The following ADAMTSL3 variants were observed in gnomAD, a reference collection of about 807,000 sequenced individuals.
ADAMTSL3 encodes ADAMTS-like protein 3.
In ADAMTSL3, 128 loss-of-function variants were observed where a neutral mutation model predicts 201.7. The ratio of observed to expected loss-of-function variants is 0.63; its 90% CI spans 0.55 to 0.73. The LOEUF (loss-of-function observed/expected upper bound fraction) is 0.73. Among genes scored for constraint, ADAMTSL3 ranks in the 30% least tolerant of loss-of-function variants. ADAMTSL3 has a pLI of 0.00. For synonymous variants in ADAMTSL3, 738 were observed against 748.4 expected, an observed-to-expected ratio of 0.99 and a Z score of 0.23; for missense variants, 1,990 against 2,119.6, an observed-to-expected ratio of 0.94 and a Z score of 1.20.
intron 16 of ADAMTSL3, 128 bp from the exon 17 acceptor site, chr15:83,923,776 C>G: frequency 9.1e-7 from 1 of 1,101,798 alleles, no homozygotes; most frequent in Non-Finnish European, 1.3e-6. Flanking sequence ...CCCTGAAATG[C>G]AGCCTGCAGC....
intron 8 of ADAMTSL3, among the ~76,000 whole-genome samples, chr15:83,860,753 G>A (rs1020885782): frequency 6.6e-6 from 1 of 152,152 alleles, no homozygotes. Context: ...CGTAGAAGAC[G>A]GGTGATTTCT....
At chr15:83,892,314 G>A (rs1367513400) in intron 12 of ADAMTSL3, among the ~76,000 whole-genome samples, 2 of 151,498 alleles carry the variant, frequency 1.3e-5, no homozygotes, top group East Asian at 1.9e-4. Flanking sequence ...GGCGGATCAC[G>A]AGGTCAGGAG....
chr15:83,984,808 AGCTGGATTC>A (rs1392206285), intron 21 of ADAMTSL3, among the ~76,000 whole-genome samples: 3 of 152,370 alleles, frequency 2.0e-5, no homozygotes, highest in Non-Finnish European at 4.4e-5. Flanking sequence ...AAAAGAAGAC[AGCTGGATTC>A]TTTTTCCACA....
intron 3 of ADAMTSL3, among the ~76,000 whole-genome samples, chr15:83,711,946 A>G (rs554322288): frequency 6.6e-6 from 1 of 152,274 alleles, no homozygotes; most frequent in African/African-American, 2.4e-5. Flanking sequence ...GGGGATGTTC[A>G]AGACAGACCC....
chr15:83,901,356 A>G (rs951857238), intron 15 of ADAMTSL3, among the ~76,000 whole-genome samples: 13 of 151,954 alleles, frequency 8.6e-5, no homozygotes, highest in Admixed American at 4.6e-4. Flanking sequence ...CCAAAGGAGG[A>G]AGGAGTTTAA....
In ADAMTSL3 at chr15:83,923,948, C is replaced by A. The variant is rs1317971398; in HGVS notation, c.2032C>A (p.Gln678Lys). ...AGTGTGCTTACATATCCAGACCCAG[C>A]AGACAGTCAATGACAGCTTGTGTGA... is the stretch of plus-strand genomic sequence containing the variant. ...IAVCLHIQTQ[Q>K]TVNDSLCDMV... The change falls in exon 17 of 30, where the codon CAG becomes AAG. Residue 678 changes from glutamine (Q) to lysine (K), a missense_variant. Transcript: ENST00000286744. The A allele has an allele frequency of 2.5e-6, 4 of 1,614,186 alleles. No homozygotes were observed. The South Asian group carries it at 3.3e-5, about 13-fold the overall frequency.
chr15:84,014,395 A>C lies in ADAMTSL3; in HGVS notation c.3974-147A>C. The C allele has an allele frequency of 4.1e-6, 3 of 727,320 alleles. No individual in the cohort carries two copies. The East Asian group carries it at 8.0e-5, about 19-fold the overall frequency. The allele number at this position is 727,320 out of a possible 1,614,324, so 45.1% of individuals were successfully genotyped here. A position where few individuals can be genotyped will look rare whatever the true frequency, so the allele number is the denominator to read the frequency against. On this transcript the variant is annotated intron_variant, in intron 23 of 29. Coordinates refer to ENST00000286744, the MANE Select transcript of ADAMTSL3 (RefSeq NM_207517.3). ...CCTCCATCTGCCATAGAGTAGCTAT[A>C]GAAATAGAAATAGCCATTTTTCCTA...
chr15:83,905,417 G>T lies in ADAMTSL3; in HGVS notation c.1700+5686G>T, dbSNP rs1361329961. Among the ~76,000 whole-genome samples, 4 of 152,254 alleles carry T rather than the reference G, an allele frequency of 2.6e-5. No individual in the cohort carries two copies. In the East Asian group the frequency reaches 7.7e-4, roughly 29 times the overall value. ...TAGAGGCTTGTGTGCAGGCTCACTG[G>T]CCCATGTAGGCCACGCAGGTTGCTA... On this transcript the variant is annotated intron_variant, in intron 15 of 29. Coordinates refer to ENST00000286744, the MANE Select transcript of ADAMTSL3 (RefSeq NM_207517.3).
At chr15:83,780,752 C>T (rs2063155386) in intron 4 of ADAMTSL3, among the ~76,000 whole-genome samples, 1 of 152,192 alleles carries the variant, frequency 6.6e-6, no homozygotes, top group Non-Finnish European at 1.5e-5. Flanking sequence ...CTGATAACTT[C>T]AGCAAAGTCT....
In ADAMTSL3 at chr15:83,805,515, C is replaced by T. The variant is rs549946322; in HGVS notation, c.363+820C>T. 2.6e-5 allele frequency among the ~76,000 whole-genome samples: 4 copies of T among 151,638 alleles called. No homozygotes were observed. The East Asian group carries it at 7.8e-4, about 29-fold the overall frequency. On this transcript the variant is annotated intron_variant, in intron 5 of 29. Coordinates refer to ENST00000286744, the MANE Select transcript of ADAMTSL3 (RefSeq NM_207517.3). ...AAGCTTGCAGTGAGCCAAGATCGCG[C>T]CACTGCACTCCAGCCTGGGCAACAG...
At chr15:83,665,134 A>G (rs2061231651) in intron 2 of ADAMTSL3, among the ~76,000 whole-genome samples, 1 of 152,176 alleles carries the variant, frequency 6.6e-6, no homozygotes, top group Admixed American at 6.5e-5. Flanking sequence ...GTGGAGAGTT[A>G]GCTGTGGACA....
At chr15:83,823,389 G>A (rs2063929678) in intron 6 of ADAMTSL3, among the ~76,000 whole-genome samples, 1 of 152,174 alleles carries the variant, frequency 6.6e-6, no homozygotes, top group Admixed American at 6.5e-5. Context: ...GACTTAAAGT[G>A]CTCAAAGGTG....
chr15:83,775,619 G>A (rs2063059635), intron 4 of ADAMTSL3, among the ~76,000 whole-genome samples: 1 of 152,158 alleles, frequency 6.6e-6, no homozygotes, highest in Admixed American at 6.5e-5. Flanking sequence ...TGGGCAAAAG[G>A]AGAGGAAAGG....
At chr15:83,837,762 A>C (rs1057507623) in intron 6 of ADAMTSL3, among the ~76,000 whole-genome samples, 1 of 151,218 alleles carries the variant, frequency 6.6e-6, no homozygotes. Context: ...CAATCCCACT[A>C]TTGCACTCCA....
chr15:83,872,613 C>CAG (rs1406048144), intron 9 of ADAMTSL3, among the ~76,000 whole-genome samples: 6 of 101,696 alleles, frequency 5.9e-5, no homozygotes, highest in Non-Finnish European at 1.3e-4. Flanking sequence ...CACACACACA[C>CAG]ACACACACAC....
At chr15:83,727,028 T>C (rs1408952200) in intron 3 of ADAMTSL3, among the ~76,000 whole-genome samples, 19 of 152,044 alleles carry the variant, frequency 1.2e-4, no homozygotes, top group Admixed American at 1.2e-3. Flanking sequence ...GTCTTGGGCT[T>C]TTCCTTGTTA....
At position 84,019,096 on chromosome 15, in the gene ADAMTSL3, C is replaced by T. The variant is rs553628487; in HGVS notation, c.4274-2314C>T. Among the ~76,000 whole-genome samples, 36 of 151,720 alleles carry T rather than the reference C, an allele frequency of 2.4e-4. No individual in the cohort carries two copies. In the South Asian group the frequency reaches 6.9e-3, roughly 29 times the overall value. ...ACACATACACACACACACACACACA[C>T]ACACACACACACACACACAGTGGGC... On this transcript the variant is annotated intron_variant, in intron 25 of 29. Coordinates refer to ENST00000286744, the MANE Select transcript of ADAMTSL3 (RefSeq NM_207517.3).
chr15:83,848,566 T>TA (rs1317344462), intron 7 of ADAMTSL3, among the ~76,000 whole-genome samples: 1 of 152,172 alleles, frequency 6.6e-6, no homozygotes, highest in Non-Finnish European at 1.5e-5. Context: ...GTGAAACCCA[T>TA]AAAATGAAAC....
intron 15 of ADAMTSL3, among the ~76,000 whole-genome samples, chr15:83,911,272 T>C (rs11637264): frequency 0.14 from 21,092 of 152,188 alleles, 1,899 homozygotes; most frequent in Middle Eastern, 0.33. Context: ...TGTACTACGA[T>C]CTCTTTTTTC....
Sources: allele counts gnomAD v4.1 joint callset (sites outside exome capture counted in the v4.1 genomes callset), GRCh38; gene constraint gnomAD v4.1.1; transcripts MANE v1.5; gene names NCBI Gene and HGNC (gene_info 2026-07-23, HGNC 2026-07-21).